Variants in UFC1 observed in about 807,000 individuals in gnomAD.
UFC1 encodes the protein ubiquitin-fold modifier-conjugating enzyme 1.
In UFC1, 22 loss-of-function variants were observed where a neutral mutation model predicts 28.0. The observed-to-expected ratio is 0.78, with a 90% CI of 0.56 to 1.12. UFC1 has a LOEUF of 1.12. Ranked by LOEUF, UFC1 falls within the 50% of genes most tolerant of loss-of-function variation. UFC1 has a pLI of 0.00. For missense variants in UFC1, 189 were observed against 207.8 expected (o/e 0.91, Z 0.56); for synonymous variants, 61 against 74.5 (o/e 0.82, Z 0.93).
At chr1:161,157,076 G>A (rs1657531684) in intron 2 of UFC1, 59 bp downstream of exon 2, 2 of 1,566,308 alleles carry the variant, frequency 1.3e-6, no homozygotes, top group Non-Finnish European at 1.8e-6. Context: ...AGGCAATTTG[G>A]TATCCTAGCG....
chr1:161,157,542 G>C, intron 3 of UFC1, 75 bp from the exon 4 acceptor site: 1 of 1,468,100 alleles, frequency 6.8e-7, no homozygotes, highest in South Asian at 1.2e-5. Flanking sequence ...GTTTAACCAA[G>C]AAATATGTAT....
chr1:161,157,906 A>G (rs899285501), intron 4 of UFC1: 18 of 178,172 alleles, frequency 1.0e-4, no homozygotes, highest in South Asian at 1.3e-4. Flanking sequence ...AGATGTAAGG[A>G]AAAAAAAAAA....
intron 4 of UFC1, 28 bp from the exon 5 acceptor site, chr1:161,158,093 C>T (rs1657597679): frequency 6.3e-7 from 1 of 1,599,792 alleles, no homozygotes; most frequent in Admixed American, 1.7e-5. Context: ...CTTTGCATGT[C>T]AACACCTTCT....
At chr1:161,157,213 A>G in intron 2 of UFC1, 41 bp from the exon 3 acceptor site, 1 of 1,613,324 alleles carries the variant, frequency 6.2e-7, no homozygotes, top group Non-Finnish European at 8.5e-7. Flanking sequence ...TGAGTACTGG[A>G]AGAATAGGCA....
In UFC1 at chr1:161,158,406, T is replaced by C; in HGVS notation, c.424-6T>C. 1 of 1,614,194 alleles carries C rather than the reference T, an allele frequency of 6.2e-7. No homozygotes were observed. Among genetic ancestry groups the C allele is most frequent in the Admixed American group, 1.7e-5 (1 of 60,024 alleles). On this transcript the variant is annotated splice_region_variant and splice_polypyrimidine_tract_variant and intron_variant, in intron 5 of 5. Coordinates refer to ENST00000368003, the MANE Select transcript of UFC1 (RefSeq NM_016406.4). ...GTAATCTCACAGGATTTTCCTTGTA[T>C]TGCAGCTGGGTCCATGGCTGGCAGT... is the stretch of plus-strand genomic sequence containing the variant.
rs753090128 is a variant in UFC1, at chr1:161,158,425, T to A, written c.437T>A (p.Leu146Gln). ...CTTGTATTGCAGCTGGGTCCATGGCTGGCAGTGGAAATCCCTGATCTGATT... is the reference window on the plus strand; with the variant it reads ...CTTGTATTGCAGCTGGGTCCATGGCAGGCAGTGGAAATCCCTGATCTGATT... ...HLMALGLGPW[L>Q]AVEIPDLIQK... Residue 146 changes from leucine (L) to glutamine (Q), a missense_variant, in exon 6 of 6, where the codon CTG becomes CAG. Transcript: ENST00000368003. The A allele has an allele frequency of 1.9e-6, 3 of 1,614,068 alleles. No homozygotes were observed. Among genetic ancestry groups the A allele is most frequent in the African/African-American group, 1.3e-5 (1 of 74,922 alleles).
chr1:161,156,884 T>C, intron 1 of UFC1, 66 bp from the exon 2 acceptor site: 1 of 1,349,600 alleles, frequency 7.4e-7, no homozygotes, highest in Non-Finnish European at 1.0e-6. Flanking sequence ...ATACTTTTCT[T>C]TTGAGGAGAG....
intron 4 of UFC1, 138 bp downstream of exon 4, chr1:161,157,831 T>C: frequency 2.7e-6 from 2 of 741,456 alleles, no homozygotes; most frequent in South Asian, 3.3e-5. Flanking sequence ...TATGTGTAAA[T>C]CACCATGGCA....
chr1:161,157,824 G>C lies in UFC1; in HGVS notation c.332+131G>C, dbSNP rs573404176. The C allele has an allele frequency of 9.5e-5, 73 of 770,842 alleles. No homozygotes were observed. The Admixed American group carries it at 1.0e-3, about 11-fold the overall frequency. The allele number at this position is 770,842 out of a possible 1,614,324, so 47.8% of individuals were successfully genotyped here. A position where few individuals can be genotyped will look rare whatever the true frequency, so the allele number is the denominator to read the frequency against. On this transcript the variant is annotated intron_variant, in intron 4 of 5. Transcript: ENST00000368003. ...ATGTCTGGGTGATGGGATGATCTAT[G>C]TGTAAATCACCATGGCACGTTTACC...
chr1:161,154,520 C>T (rs977482883), intron 1 of UFC1, among the ~76,000 whole-genome samples: 6 of 152,160 alleles, frequency 3.9e-5, no homozygotes, highest in Non-Finnish European at 7.3e-5. Context: ...GAGTCTCGCT[C>T]TGTTGCTAGG....
intron 1 of UFC1, among the ~76,000 whole-genome samples, chr1:161,156,197 C>T (rs1353126598): frequency 6.6e-6 from 1 of 152,116 alleles, no homozygotes; most frequent in Non-Finnish European, 1.5e-5. Flanking sequence ...ATAGCCTTGT[C>T]TTCAGCTTTG....
chr1:161,156,829 C>T (rs1301873136), intron 1 of UFC1, 121 bp from the exon 2 acceptor site: 4 of 869,858 alleles, frequency 4.6e-6, no homozygotes, highest in African/African-American at 3.4e-5. Flanking sequence ...GCGACGGGAG[C>T]GAGATTCCAT....
At chr1:161,154,792 C>T (rs568077890) in intron 1 of UFC1, among the ~76,000 whole-genome samples, 1 of 152,232 alleles carries the variant, frequency 6.6e-6, no homozygotes, top group African/African-American at 2.4e-5. Flanking sequence ...CCTGGCCTCA[C>T]TCTTCACTCT....
Position 161,157,308 on chromosome 1 carries a change from C to T in UFC1, c.246C>T (p.Ile82=), listed in dbSNP as rs529045897. 10 of 1,614,098 alleles carry T rather than the reference C, an allele frequency of 6.2e-6. No individual in the cohort carries two copies. Among genetic ancestry groups the T allele is most frequent in the African/African-American group, 2.7e-5 (2 of 74,994 alleles). The change falls in exon 3 of 6, where the codon ATC becomes ATT. Residue 82 remains isoleucine (I), a synonymous_variant. Transcript: ENST00000368003. ...ACCTCCTGAAATATGAGTTTGACAT[C>T]GAGTTTGACGTGAGTGTGATAGAGT... ...IHDLLKYEFD[I]EFDIPITYPT... is the part of the protein sequence containing the mutation.
intron 4 of UFC1, 25 bp from the exon 5 acceptor site, chr1:161,158,096 C>T (rs1657598004): frequency 6.2e-7 from 1 of 1,603,130 alleles, no homozygotes; most frequent in South Asian, 1.1e-5. Context: ...TGCATGTCAA[C>T]ACCTTCTTCA....
chr1:161,154,443 C>T (rs1324673533), intron 1 of UFC1, among the ~76,000 whole-genome samples: 1 of 152,132 alleles, frequency 6.6e-6, no homozygotes, highest in African/African-American at 2.4e-5. Context: ...CCTCAGGGCG[C>T]CAACTCCCAG....
Position 161,153,987 on chromosome 1 carries a change from C to T in UFC1, c.-11C>T, listed in dbSNP as rs1657430332. 4.3e-6 allele frequency: 7 copies of T among 1,613,958 alleles called. No homozygotes were observed. The highest frequency in any genetic ancestry group is 1.3e-5 in the African/African-American group (1 of 74,986). ...CACCACTTCCGCGTTTCTCTTGCGC[C>T]CTGGTCCAAGATGGCGGATGAAGCC... On this transcript the variant is annotated 5_prime_UTR_variant, in exon 1 of 6. Coordinates refer to ENST00000368003, the MANE Select transcript of UFC1 (RefSeq NM_016406.4).
At chr1:161,154,741 G>A (rs1192924765) in intron 1 of UFC1, among the ~76,000 whole-genome samples, 2 of 152,056 alleles carry the variant, frequency 1.3e-5, no homozygotes. Context: ...CACCCGCCTC[G>A]GCCTCCCAAA....
chr1:161,157,470 C>T, intron 3 of UFC1, 147 bp from the exon 4 acceptor site: 1 of 1,241,714 alleles, frequency 8.1e-7, no homozygotes, highest in Non-Finnish European at 1.2e-6. Context: ...TATATTTACT[C>T]ATCTCCACAT....
Sources: allele counts gnomAD v4.1 joint callset (sites outside exome capture counted in the v4.1 genomes callset), GRCh38; gene constraint gnomAD v4.1.1; transcripts MANE v1.5; gene names NCBI Gene and HGNC (gene_info 2026-07-23, HGNC 2026-07-21).